The following TRAPPC8 variants were observed in gnomAD, a reference collection of about 807,000 sequenced individuals.
TRAPPC8 encodes general sporulation gene 1 homolog.
TRAPPC8 carries 54 observed loss-of-function variants against 174.3 expected under a neutral mutation model. The ratio of observed to expected loss-of-function variants is 0.31; its 90% CI spans 0.25 to 0.39. The LOEUF (loss-of-function observed/expected upper bound fraction) is 0.39, where lower values mean the gene tolerates loss of function less well. Among genes scored for constraint, TRAPPC8 ranks in the 10% least tolerant of loss-of-function variants. The pLI, the probability that TRAPPC8 is intolerant of heterozygous loss-of-function variation, is 1.00. For missense variants in TRAPPC8, 1,531 were observed against 1,699.1 expected, an observed-to-expected ratio of 0.90 and a Z score of 1.74; for synonymous variants, 630 against 579.9, an observed-to-expected ratio of 1.09 and a Z score of -1.24.
In TRAPPC8 at chr18:31,899,497, T is replaced by C. The variant is rs116239074; in HGVS notation, c.1490+1428A>G. 5.7e-3 allele frequency among the ~76,000 whole-genome samples: 873 copies of C among 152,322 alleles called. 5 individuals are homozygous for C. The highest frequency in any genetic ancestry group is 0.02 in the African/African-American group (827 of 41,582). On this transcript the variant is annotated intron_variant, in intron 10 of 28. Coordinates refer to ENST00000283351, the MANE Select transcript of TRAPPC8 (RefSeq NM_014939.5). ...TATAGGGGTCTTATAGGGGTCAAAA[T>C]TGCCTCTATATCTGCCTTCCAGTGC...
At chr18:31,852,698 T>C in intron 22 of TRAPPC8, 35 bp from the exon 23 acceptor site, 23 of 1,553,846 alleles carry the variant, frequency 1.5e-5, no homozygotes, top group Non-Finnish European at 2.0e-5. Flanking sequence ...AAGATGTTTC[T>C]CAGTTCATCA....
intron 28 of TRAPPC8, among the ~76,000 whole-genome samples, chr18:31,831,429 A>C (rs1216193795): frequency 6.6e-6 from 1 of 152,234 alleles, no homozygotes; most frequent in African/African-American, 2.4e-5. Context: ...TATTAATAAT[A>C]GCAACATCAT....
At chr18:31,915,908 T>C (rs535200137) in intron 4 of TRAPPC8, among the ~76,000 whole-genome samples, 12 of 89,610 alleles carry the variant, frequency 1.3e-4, no homozygotes, top group Non-Finnish European at 2.4e-4. Flanking sequence ...AAAAAAAAAA[T>C]TAGCTGGGCA....
At chr18:31,910,036 T>C (rs943781786) in intron 5 of TRAPPC8, among the ~76,000 whole-genome samples, 1 of 152,160 alleles carries the variant, frequency 6.6e-6, no homozygotes, top group African/African-American at 2.4e-5. Flanking sequence ...TCTACTTATA[T>C]ATGATATGTA....
At chr18:31,850,240 T>C (rs1436292345) in intron 24 of TRAPPC8, among the ~76,000 whole-genome samples, 1 of 152,112 alleles carries the variant, frequency 6.6e-6, no homozygotes, top group South Asian at 2.1e-4. Flanking sequence ...TGTGAGACAC[T>C]GCACCCAGCT....
chr18:31,932,025 G>A (rs1393118019), intron 1 of TRAPPC8, among the ~76,000 whole-genome samples: 1 of 152,182 alleles, frequency 6.6e-6, no homozygotes, highest in Non-Finnish European at 1.5e-5. Context: ...GCACGATGCT[G>A]TGGTGGAGGC....
chr18:31,877,205 C>T (rs1568077909), intron 12 of TRAPPC8, among the ~76,000 whole-genome samples: 1 of 152,152 alleles, frequency 6.6e-6, no homozygotes, highest in Non-Finnish European at 1.5e-5. Context: ...GATCATTTCC[C>T]GCCCACCCCA....
At chr18:31,923,292 A>T (rs1385945234) in intron 2 of TRAPPC8, among the ~76,000 whole-genome samples, 1 of 152,190 alleles carries the variant, frequency 6.6e-6, no homozygotes, top group African/African-American at 2.4e-5. Flanking sequence ...TAAGTGGGGA[A>T]AAAAAGACAA....
At chr18:31,873,596 G>T in intron 13 of TRAPPC8, 58 bp from the exon 14 acceptor site, 4 of 1,206,912 alleles carry the variant, frequency 3.3e-6, no homozygotes, top group Non-Finnish European at 4.7e-6. Context: ...ATTTTTATTT[G>T]TTTCCTCGTT....
intron 19 of TRAPPC8, among the ~76,000 whole-genome samples, chr18:31,862,326 C>G (rs1434848764): frequency 1.3e-5 from 2 of 150,532 alleles, no homozygotes; most frequent in East Asian, 1.9e-4. Flanking sequence ...ATAAAAGGGA[C>G]TTGGCTTGCC....
At chr18:31,913,316 T>A (rs2036997377) in intron 5 of TRAPPC8, 53 bp downstream of exon 5, 1 of 1,515,160 alleles carries the variant, frequency 6.6e-7, no homozygotes, top group Non-Finnish European at 8.8e-7. Flanking sequence ...AACCAAAACG[T>A]AAAAACTGAA....
rs1193979781 is a variant in TRAPPC8 at position 31,880,115 on chromosome 18, ATATATATT to A, written c.1729-5419_1729-5412del. Among the ~76,000 whole-genome samples, 524 of 92,652 alleles carry A rather than the reference ATATATATT, an allele frequency of 5.7e-3. 8 individuals are homozygous for A. The highest frequency in any genetic ancestry group is 0.014 in the African/African-American group (318 of 23,202). The allele number at this position is 92,652 out of a possible 152,430, so 60.8% of individuals were successfully genotyped here. A position where few individuals can be genotyped will look rare whatever the true frequency, so the allele number is the denominator to read the frequency against. ...AATATATATATATATATATATATAT[ATATATATT>A]TTTTTTTTTTTAAGGAAGAAAGATT... On this transcript the variant is annotated intron_variant, in intron 12 of 28. Transcript: ENST00000283351.
chr18:31,909,131 G>C, intron 6 of TRAPPC8, 121 bp from the exon 7 acceptor site: 1 of 949,268 alleles, frequency 1.1e-6, no homozygotes. Flanking sequence ...TTTCAGTATA[G>C]GTAAATGTCT....
chr18:31,834,212 C>T (rs967241386), intron 27 of TRAPPC8, among the ~76,000 whole-genome samples: 4 of 151,728 alleles, frequency 2.6e-5, no homozygotes, highest in Non-Finnish European at 5.9e-5. Context: ...CAGGTTCAAG[C>T]TATTCTGCCT....
intron 5 of TRAPPC8, among the ~76,000 whole-genome samples, chr18:31,912,119 C>A (rs1329214602): frequency 6.6e-6 from 1 of 152,044 alleles, no homozygotes; most frequent in African/African-American, 2.4e-5. Context: ...GAAGGGAAAT[C>A]AACGGAAAGT....
intron 10 of TRAPPC8, among the ~76,000 whole-genome samples, chr18:31,898,444 A>T (rs933824741): frequency 6.6e-6 from 1 of 152,252 alleles, no homozygotes; most frequent in Non-Finnish European, 1.5e-5. Flanking sequence ...ATGCAAAGTC[A>T]TATCTCCTGC....
chr18:31,924,080 T>C (rs1379889777), intron 2 of TRAPPC8, among the ~76,000 whole-genome samples: 1 of 151,152 alleles, frequency 6.6e-6, no homozygotes, highest in Non-Finnish European at 1.5e-5. Flanking sequence ...TGTCAGGAGT[T>C]TGAGACCAGC....
At chr18:31,941,165 G>A (rs1314405953) in intron 1 of TRAPPC8, among the ~76,000 whole-genome samples, 1 of 152,156 alleles carries the variant, frequency 6.6e-6, no homozygotes, top group Non-Finnish European at 1.5e-5. Context: ...ATTCAAGGCC[G>A]GGCGCGGTGG....
chr18:31,857,970 G>C lies in TRAPPC8; in HGVS notation c.2758C>G (p.His920Asp). ...EMPLLEVFFIHFPTGLLCGEI... is the reference protein window; with the variant it reads ...EMPLLEVFFIDFPTGLLCGEI... The stretch of plus-strand genomic sequence containing the variant: ...CCACAGAGAAGCCCTGTAGGAAAAT[G>C]TATAAAGAACACCTGCATTGGAGGG... Residue 920 changes from histidine (H) to aspartate (D), a missense_variant, in exon 20 of 29, where the codon CAT (histidine) becomes GAT (aspartate). His to Asp is a moderately conservative substitution (Grantham distance 81). Transcript: ENST00000283351. 1 of 1,603,628 alleles carries C rather than the reference G, an allele frequency of 6.2e-7. No individual in the cohort carries two copies. Among genetic ancestry groups the C allele is most frequent in the Non-Finnish European group, 8.5e-7 (1 of 1,175,030 alleles).
Sources: allele counts gnomAD v4.1 joint callset (sites outside exome capture counted in the v4.1 genomes callset), GRCh38; gene constraint gnomAD v4.1.1; transcripts MANE v1.5; gene names NCBI Gene and HGNC (gene_info 2026-07-23, HGNC 2026-07-21).